MAP3K11: variants seen among roughly 807,000 people sequenced by gnomAD.
MAP3K11 encodes SH3 domain-containing proline-rich kinase.
In MAP3K11, 46 loss-of-function variants were observed where a neutral mutation model predicts 84.9. The observed-to-expected ratio is 0.54, with a 90% confidence interval of 0.43 to 0.69. The LOEUF (loss-of-function observed/expected upper bound fraction) is 0.69, where lower values mean the gene tolerates loss of function less well. Among genes scored for constraint, MAP3K11 ranks in the 30% least tolerant of loss-of-function variants. The probability of loss-of-function intolerance (pLI) is 0.00; values close to 1 mark genes in which losing one functional copy is unlikely to be tolerated. For missense variants in MAP3K11, 1,053 were observed against 1,198.3 expected, an observed-to-expected ratio of 0.88 and a Z score of 1.79; for synonymous variants, 527 against 514.7, an observed-to-expected ratio of 1.02 and a Z score of -0.32.
intron 1 of MAP3K11, chr11:65,611,073 AG>A (rs1854566290): frequency 6.6e-6 from 1 of 152,388 alleles, no homozygotes; most frequent in South Asian, 2.1e-4. Flanking sequence ...GGCCTCTGAT[AG>A]GGACCTGGCC....
In MAP3K11 at chr11:65,613,817, C is replaced by G. The variant is rs536831818; in HGVS notation, c.-61G>C. 1.3e-3 allele frequency: 1,910 copies of G among 1,458,628 alleles called. 4 individuals are homozygous for G. The highest frequency in any genetic ancestry group is 1.7e-3 in the Non-Finnish European group (1,835 of 1,108,220). The allele number at this position is 1,458,628 out of a possible 1,614,324, so 90.4% of individuals were successfully genotyped here. A position where few individuals can be genotyped will look rare whatever the true frequency, so the allele number is the denominator to read the frequency against. ...TCTCTGGGTGCCCGTGGTCCCCACC[C>G]CCGCTGGCTGCCAAGGCCCTAGTCC... On this transcript the variant is annotated 5_prime_UTR_variant, in exon 1 of 10. Transcript: ENST00000309100.
At position 65,598,526 on chromosome 11, in the gene MAP3K11, G is replaced by A. The variant is rs751118360; in HGVS notation, c.2309C>T (p.Ser770Leu). 8.1e-6 allele frequency: 13 copies of A among 1,612,940 alleles called. No individual in the cohort carries two copies. Among genetic ancestry groups the A allele is most frequent in the Middle Eastern group, 1.6e-4 (1 of 6,074 alleles). ...GGGATCAATGCGGCTGCGAAGGGGCGAGGGCCGAGGTCGGCTGATGAGGCC... is the reference window on the plus strand; with the variant it reads ...GGGATCAATGCGGCTGCGAAGGGGCAAGGGCCGAGGTCGGCTGATGAGGCC... ...PLGLISRPRPSPLRSRIDPWS... is the reference protein window; with the variant it reads ...PLGLISRPRPLPLRSRIDPWS... Residue 770 changes from serine to leucine, a missense_variant, in exon 10 of 10, where the codon TCG (serine) becomes TTG (leucine). Ser to Leu is a moderately radical substitution (Grantham distance 145). Coordinates refer to ENST00000309100, the MANE Select transcript of MAP3K11 (RefSeq NM_002419.4).
chr11:65,608,558 C>T, intron 1 of MAP3K11, 110 bp from the exon 2 acceptor site: 2 of 898,070 alleles, frequency 2.2e-6, no homozygotes, highest in Non-Finnish European at 3.5e-6. Context: ...CCTGGGGGCA[C>T]AGAGGTGACT....
At chr11:65,606,984 G>T in intron 5 of MAP3K11, 180 bp from the exon 6 acceptor site, 3 of 576,756 alleles carry the variant, frequency 5.2e-6, no homozygotes, top group Non-Finnish European at 8.8e-6. Flanking sequence ...AAAGCTACTC[G>T]TCTGAGTCGG....
At chr11:65,601,463 T>G (rs913497605) in intron 8 of MAP3K11, among the ~76,000 whole-genome samples, 1 of 152,168 alleles carries the variant, frequency 6.6e-6, no homozygotes, top group Non-Finnish European at 1.5e-5. Context: ...GCTCTTAAAA[T>G]GCAAATCCCT....
chr11:65,613,974 C>T lies in MAP3K11; in HGVS notation c.-218G>A, dbSNP rs1854620256. On this transcript the variant is annotated 5_prime_UTR_variant, in exon 1 of 10. Coordinates refer to ENST00000309100, the MANE Select transcript of MAP3K11 (RefSeq NM_002419.4). ...GGCACCCAGGGCAGTGTGGTCAGGC[C>T]GGGGGGGTGGGGCCCCGGGGCCTCC... The T allele has an allele frequency of 3.3e-6, 2 of 599,488 alleles. No individual in the cohort carries two copies. The highest frequency in any genetic ancestry group is 5.1e-5 in the South Asian group (2 of 39,506). 37.1% of individuals were successfully genotyped at this position (599,488 alleles called of 1,614,324 possible).
At chr11:65,603,289 T>C (rs541541510) in intron 8 of MAP3K11, among the ~76,000 whole-genome samples, 8 of 152,256 alleles carry the variant, frequency 5.3e-5, no homozygotes, top group Non-Finnish European at 1.2e-4. Context: ...CAGCAAGAGT[T>C]AGCAACTCTG....
intron 6 of MAP3K11, 72 bp from the exon 7 acceptor site, chr11:65,606,153 T>G: frequency 6.9e-7 from 1 of 1,456,330 alleles, no homozygotes; most frequent in Non-Finnish European, 9.1e-7. Context: ...GCTTCAGAGA[T>G]AAACTTTAGA....
chr11:65,606,922 T>C (rs1226927634), intron 5 of MAP3K11, 118 bp from the exon 6 acceptor site: 1 of 659,796 alleles, frequency 1.5e-6, no homozygotes, highest in Non-Finnish European at 2.6e-6. Context: ...ACGATGGCTG[T>C]GAGACTGTGA....
In MAP3K11 at chr11:65,613,817, C is replaced by T; in HGVS notation, c.-61G>A. The T allele has an allele frequency of 1.4e-6, 2 of 1,458,632 alleles. No individual in the cohort carries two copies. Among genetic ancestry groups the T allele is most frequent in the Non-Finnish European group, 1.8e-6 (2 of 1,108,224 alleles). 90.4% of individuals were successfully genotyped at this position (1,458,632 alleles called of 1,614,324 possible). A position where few individuals can be genotyped will look rare whatever the true frequency, so the allele number is the denominator to read the frequency against. ...TCTCTGGGTGCCCGTGGTCCCCACC[C>T]CCGCTGGCTGCCAAGGCCCTAGTCC... On this transcript the variant is annotated 5_prime_UTR_variant, in exon 1 of 10. Transcript: ENST00000309100.
At chr11:65,606,554 A>G in intron 6 of MAP3K11, 137 bp downstream of exon 6, 1 of 602,744 alleles carries the variant, frequency 1.7e-6, no homozygotes, top group Non-Finnish European at 2.9e-6. Flanking sequence ...CAGAGGTAAC[A>G]GGCTAGACCT....
chr11:65,609,027 C>A (rs1854544067), intron 1 of MAP3K11: 1 of 154,158 alleles, frequency 6.5e-6, no homozygotes, highest in Admixed American at 6.4e-5. Flanking sequence ...AGAGGTCATA[C>A]AACAAATACA....
In MAP3K11 at chr11:65,607,742, G is replaced by C. The variant is rs1854528690; in HGVS notation, c.1144C>G (p.Gln382Glu). 1.2e-6 allele frequency: 2 copies of C among 1,613,680 alleles called. No homozygotes were observed. The highest frequency in any genetic ancestry group is 1.7e-6 in the Non-Finnish European group (2 of 1,179,912). The change falls in exon 4 of 10, where the codon CAG becomes GAG. Residue 382 changes from glutamine to glutamate, a missense_variant. Physicochemically the swap from Gln to Glu is conservative, Grantham distance 29. Coordinates refer to ENST00000309100, the MANE Select transcript of MAP3K11 (RefSeq NM_002419.4). ...ILQQLEALEA[Q>E]VLREMPRDSF... ...TCCCGCGGCATTTCCCGTAGGACCT[G>C]TGCCTCCAGCGCCTCCAACTGCTGC...
In MAP3K11 at chr11:65,611,215, A is replaced by AG. The variant is rs35570382; in HGVS notation, c.739+1802dup. On this transcript the variant is annotated intron_variant, in intron 1 of 9. Coordinates refer to ENST00000309100, the MANE Select transcript of MAP3K11 (RefSeq NM_002419.4). ...GCCTGGGCCAGGTCTCCCACTTGGG[A>AG]GGGGGAGTCCTTTTGGGGAGAACTG... The AG allele has an allele frequency of 3.9e-5, 6 of 152,248 alleles. No individual in the cohort carries two copies. The East Asian group carries it at 1.2e-3, about 30-fold the overall frequency. 9.4% of individuals were successfully genotyped at this position (152,248 alleles called of 1,614,324 possible).
chr11:65,602,858 T>C (rs1467475639), intron 8 of MAP3K11, among the ~76,000 whole-genome samples: 1 of 150,674 alleles, frequency 6.6e-6, no homozygotes, highest in Non-Finnish European at 1.5e-5. Flanking sequence ...CTCACACCTG[T>C]AATGCCAGCA....
At chr11:65,612,952 G>T in intron 1 of MAP3K11, 66 bp downstream of exon 1, 1 of 1,486,342 alleles carries the variant, frequency 6.7e-7, no homozygotes, top group Non-Finnish European at 8.9e-7. Context: ...GCTAGGCTCA[G>T]TGGAAGGTTG....
rs1854527162 is a variant in MAP3K11 at position 65,607,621 on chromosome 11, G to C, written c.1245+20C>G. On this transcript the variant is annotated intron_variant, in intron 4 of 9. Transcript: ENST00000309100. The stretch of plus-strand genomic sequence containing the variant: ...CGGGGAGACACTCGTTCCAACGCTG[G>C]GTCCCTTGATTCCTCGCACCTTTTC... 23 of 1,591,290 alleles carry C rather than the reference G, an allele frequency of 1.4e-5. No homozygotes were observed. Among genetic ancestry groups the C allele is most frequent in the Non-Finnish European group, 2.0e-5 (23 of 1,165,754 alleles).
chr11:65,600,933 TACTC>T (rs1854448742), intron 8 of MAP3K11, among the ~76,000 whole-genome samples: 2 of 152,274 alleles, frequency 1.3e-5, no homozygotes, highest in African/African-American at 4.8e-5. Flanking sequence ...CCCCAACCCT[TACTC>T]AGACTCTCTG....
chr11:65,612,199 C>T (rs768276539), intron 1 of MAP3K11: 2 of 152,540 alleles, frequency 1.3e-5, no homozygotes, highest in East Asian at 3.9e-4. Flanking sequence ...TCCATGCCTT[C>T]TCTCTCTAAA....
Sources: allele counts gnomAD v4.1 joint callset (sites outside exome capture counted in the v4.1 genomes callset), GRCh38; gene constraint gnomAD v4.1.1; transcripts MANE v1.5; gene names NCBI Gene and HGNC (gene_info 2026-07-23, HGNC 2026-07-21).